Variants in CAMK2D observed in about 807,000 individuals in gnomAD.
CAMK2D encodes the protein calcium/calmodulin dependent protein kinase II delta, also known as calcium/calmodulin-dependent protein kinase type II subunit delta.
In CAMK2D, 37 loss-of-function variants were observed where a neutral mutation model predicts 84.0. The ratio of observed to expected loss-of-function variants is 0.44; its 90% CI spans 0.34 to 0.58. The LOEUF (loss-of-function observed/expected upper bound fraction) is 0.58. CAMK2D is among the 20% of genes least tolerant of loss of function. CAMK2D has a pLI of 0.02. For synonymous variants in CAMK2D, 202 were observed against 212.5 expected (o/e 0.95, Z 0.43); for missense variants, 448 against 652.5 (o/e 0.69, Z 3.41).
At chr4:113,475,907 T>G (rs758307161) in intron 16 of CAMK2D, among the ~76,000 whole-genome samples, 2 of 152,176 alleles carry the variant, frequency 1.3e-5, no homozygotes, top group Non-Finnish European at 2.9e-5. Context: ...TTATCTTCAG[T>G]GAAGTGGGAA....
At chr4:113,687,661 T>A (rs1053250687) in intron 2 of CAMK2D, among the ~76,000 whole-genome samples, 1 of 152,212 alleles carries the variant, frequency 6.6e-6, no homozygotes, top group African/African-American at 2.4e-5. Context: ...GGCACATCCT[T>A]CATATGAAAT....
At chr4:113,547,766 T>A (rs1469280137) in intron 5 of CAMK2D, 50 bp from the exon 6 acceptor site, 1 of 1,202,360 alleles carries the variant, frequency 8.3e-7, no homozygotes, top group South Asian at 1.3e-5. Context: ...TTACACTCAC[T>A]GTCTGTATAC....
chr4:113,575,678 A>G (rs1337014875), intron 4 of CAMK2D, among the ~76,000 whole-genome samples: 1 of 152,090 alleles, frequency 6.6e-6, no homozygotes, highest in Non-Finnish European at 1.5e-5. Flanking sequence ...TATTGCAATC[A>G]GTGTATCTAT....
chr4:113,758,931 T>A (rs1454174201), intron 2 of CAMK2D, among the ~76,000 whole-genome samples: 3 of 152,232 alleles, frequency 2.0e-5, no homozygotes, highest in Non-Finnish European at 4.4e-5. Flanking sequence ...AACTGAGCTA[T>A]GACCTACTTC....
At chr4:113,556,729 T>C (rs528610584) in intron 4 of CAMK2D, among the ~76,000 whole-genome samples, 283 of 152,208 alleles carry the variant, frequency 1.9e-3, no homozygotes, top group African/African-American at 6.5e-3. Flanking sequence ...TGTGTCTAAA[T>C]GAACAAAGTC....
At chr4:113,714,803 G>A (rs1244968514) in intron 2 of CAMK2D, among the ~76,000 whole-genome samples, 2 of 152,082 alleles carry the variant, frequency 1.3e-5, no homozygotes, top group Admixed American at 1.3e-4. Flanking sequence ...ACAGGCACAT[G>A]TAAATAAAAT....
At chr4:113,646,376 TG>T (rs1296803375) in intron 3 of CAMK2D, among the ~76,000 whole-genome samples, 1 of 152,178 alleles carries the variant, frequency 6.6e-6, no homozygotes, top group African/African-American at 2.4e-5. Flanking sequence ...TACATACTAC[TG>T]GGTAGAAAAC....
At chr4:113,715,077 T>C (rs1384626428) in intron 2 of CAMK2D, among the ~76,000 whole-genome samples, 1 of 152,116 alleles carries the variant, frequency 6.6e-6, no homozygotes. Flanking sequence ...CAACCTTTAT[T>C]AGATTTCTTC....
intron 8 of CAMK2D, among the ~76,000 whole-genome samples, chr4:113,526,575 A>G (rs2098419681): frequency 6.6e-6 from 1 of 151,938 alleles, no homozygotes; most frequent in Non-Finnish European, 1.5e-5. Context: ...TCCAGACAAG[A>G]AAGTTAGAGC....
At chr4:113,576,487 TC>T (rs2098783144) in intron 4 of CAMK2D, among the ~76,000 whole-genome samples, 2 of 152,002 alleles carry the variant, frequency 1.3e-5, no homozygotes, top group African/African-American at 4.8e-5. Context: ...GAAGATCAAA[TC>T]AGACAGTAAT....
At chr4:113,508,382 T>G in intron 13 of CAMK2D, 1 of 726,784 alleles carries the variant, frequency 1.4e-6, no homozygotes, top group Admixed American at 2.4e-5. Context: ...AGCTATAAGT[T>G]GAATGGAAGG....
At chr4:113,517,827 G>A (rs1319996883) in intron 8 of CAMK2D, among the ~76,000 whole-genome samples, 170 bp from the exon 9 acceptor site, 3 of 152,316 alleles carry the variant, frequency 2.0e-5, no homozygotes, top group Admixed American at 6.5e-5. Flanking sequence ...TCTCTGGAGG[G>A]TGAATGCTTC....
rs574800652 is a variant in CAMK2D at position 113,481,374 on chromosome 4, G to A, written c.1136-15770C>T. Among the ~76,000 whole-genome samples, 3 of 152,272 alleles carry A rather than the reference G, an allele frequency of 2.0e-5. No individual in the cohort carries two copies. The East Asian group carries it at 5.8e-4, about 29-fold the overall frequency. ...ACAGAAACTTACATTTTAGTAGGGG[G>A]AAGAGGAACAGGAAACAAGTAAAAT... On this transcript the variant is annotated intron_variant, in intron 16 of 20. Transcript: ENST00000511664.
chr4:113,760,937 G>A (rs2099640013), intron 1 of CAMK2D, 67 bp downstream of exon 1: 2 of 1,601,086 alleles, frequency 1.2e-6, no homozygotes, highest in African/African-American at 1.3e-5. Context: ...AGGCCGGTGG[G>A]TCGGGGGCAA....
At chr4:113,626,139 T>C (rs1183645833) in intron 3 of CAMK2D, among the ~76,000 whole-genome samples, 1 of 150,638 alleles carries the variant, frequency 6.6e-6, no homozygotes, top group Non-Finnish European at 1.5e-5. Context: ...GCTGAGAGAG[T>C]GGGATGTGAG....
At chr4:113,610,244 T>C (rs893178279) in intron 3 of CAMK2D, among the ~76,000 whole-genome samples, 3 of 152,120 alleles carry the variant, frequency 2.0e-5, no homozygotes, top group African/African-American at 7.2e-5. Flanking sequence ...GAATTCTTCC[T>C]GTGTATCCAA....
intron 3 of CAMK2D, among the ~76,000 whole-genome samples, chr4:113,638,684 T>A (rs1329060746): frequency 2.4e-4 from 36 of 152,224 alleles, no homozygotes; most frequent in Non-Finnish European, 7.4e-5. Context: ...ATGCTCCTAC[T>A]CAGCTTTTGT....
At position 113,500,702 on chromosome 4, in the gene CAMK2D, A is replaced by C. The variant is rs72905934; in HGVS notation, c.1087-191T>G. On this transcript the variant is annotated intron_variant, in intron 15 of 20. Transcript: ENST00000511664. ...AAATGTCTGATGCTGCAAACATTTC[A>C]AACGGAGTACTCTGGTTGCCTAATC... 3.8e-3 allele frequency among the ~76,000 whole-genome samples: 578 copies of C among 152,256 alleles called. 5 individuals are homozygous for C. The highest frequency in any genetic ancestry group is 0.013 in the African/African-American group (538 of 41,576).
intron 2 of CAMK2D, among the ~76,000 whole-genome samples, chr4:113,682,284 T>C (rs1317003278): frequency 6.6e-6 from 1 of 152,128 alleles, no homozygotes; most frequent in Non-Finnish European, 1.5e-5. Context: ...GGAAAGTATA[T>C]GAGAAATTTA....
Sources: gnomAD v4.1 joint callset for allele counts (sites outside exome capture counted in the v4.1 genomes callset) on GRCh38, gnomAD v4.1.1 for gene constraint, MANE v1.5 for transcripts, NCBI Gene and HGNC (gene_info 2026-07-23, HGNC 2026-07-21) for gene names.